The following ZNF792 variants were observed in gnomAD, a reference collection of about 807,000 sequenced individuals.
ZNF792 encodes zinc finger protein 792.
Under a neutral mutation model 13.1 loss-of-function variants are expected in ZNF792, and 14 were observed. The ratio of observed to expected loss-of-function variants is 1.07; its 90% CI spans 0.71 to 1.67. ZNF792 has a LOEUF of 1.67. ZNF792 is among the 40% of genes most tolerant of loss of function. The probability of loss-of-function intolerance (pLI) is 0.00; values close to 1 mark genes in which losing one functional copy is unlikely to be tolerated. For synonymous variants in ZNF792, 257 were observed against 292.0 expected (o/e 0.88, Z 1.22); for missense variants, 740 against 807.9 (o/e 0.92, Z 1.02).
Position 34,958,763 on chromosome 19 carries a change from C to G in ZNF792, c.1092G>C (p.Lys364Asn). 1 of 1,613,966 alleles carries G rather than the reference C, an allele frequency of 6.2e-7. No individual in the cohort carries two copies. The highest frequency in any genetic ancestry group is 8.5e-7 in the Non-Finnish European group (1 of 1,179,972). ...TCCCACAGTCGCTGCACTCATATGG[C>G]TTTTCACCAGTGTGAACCCTCTTAT... ...IQHKRVHTGE[K>N]PYECSDCGKF... Residue 364 changes from lysine (K) to asparagine (N), a missense_variant, in exon 4 of 4, where the codon AAG becomes AAC. Lys to Asn is a moderately conservative substitution (Grantham distance 94). Coordinates refer to ENST00000404801, the MANE Select transcript of ZNF792 (RefSeq NM_175872.5).
chr19:34,957,829 T>G lies in ZNF792; in HGVS notation c.*127A>C. The G allele has an allele frequency of 1.1e-6, 1 of 911,792 alleles. No homozygotes were observed. The highest frequency in any genetic ancestry group is 1.6e-6 in the Non-Finnish European group (1 of 611,798). The allele number at this position is 911,792 out of a possible 1,614,324, so 56.5% of individuals were successfully genotyped here. A position where few individuals can be genotyped will look rare whatever the true frequency, so the allele number is the denominator to read the frequency against. ...ACAGTGGAGTGGTGGACACACTCTT[T>G]GGAGAGCTGCAGTGTGTGGTGCTGA... On this transcript the variant is annotated 3_prime_UTR_variant, in exon 4 of 4. Transcript: ENST00000404801.
In ZNF792 at chr19:34,958,697, C is replaced by G; in HGVS notation, c.1158G>C (p.Arg386Ser). ...SQRSNLIHHK[R>S]VHTGRSAHEC... Reference sequence around the variant, plus strand: ...CATGGGCACTTCTGCCCGTATGAACCCTCTTATGATGAATGAGGTTGGAAC... The same window carrying G: ...CATGGGCACTTCTGCCCGTATGAACGCTCTTATGATGAATGAGGTTGGAAC... Residue 386 changes from arginine to serine, a missense_variant, in exon 4 of 4, where the codon AGG becomes AGC. Physicochemically the swap from Arg to Ser is moderately radical, Grantham distance 110. Transcript: ENST00000404801. The G allele has an allele frequency of 6.2e-7, 1 of 1,613,894 alleles. No homozygotes were observed. Among genetic ancestry groups the G allele is most frequent in the Non-Finnish European group, 8.5e-7 (1 of 1,179,932 alleles).
Position 34,959,220 on chromosome 19 carries a change from C to T in ZNF792, c.635G>A (p.Cys212Tyr), listed in dbSNP as rs748124403. The T allele has an allele frequency of 5.0e-6, 8 of 1,613,936 alleles. No homozygotes were observed. The Admixed American group carries it at 1.3e-4, about 27-fold the overall frequency. The change falls in exon 4 of 4, where the codon TGC becomes TAC. Residue 212 changes from cysteine (C) to tyrosine (Y), a missense_variant. Cys to Tyr is a radical substitution (Grantham distance 194). Transcript: ENST00000404801. Reference protein sequence around the residue: ...RDHTSDQLSTCREGGKDFVAT... With the variant: ...RDHTSDQLSTYREGGKDFVAT... ...CACAAAGTCCTTCCCACCCTCCCTG[C>T]AGGTGGAAAGCTGATCTGATGTGTG...
Position 34,960,363 on chromosome 19 carries a change from G to T in ZNF792, c.161-6C>A. On this transcript the variant is annotated splice_region_variant and splice_polypyrimidine_tract_variant and intron_variant, in intron 2 of 3. Transcript: ENST00000404801. ...GGACCTGAAAGATATAAGTCCTAAG[G>T]GAAAGACAGAGTGGGTCAGTGGCCA... 1.2e-6 allele frequency: 2 copies of T among 1,612,140 alleles called. No individual in the cohort carries two copies. Among genetic ancestry groups the T allele is most frequent in the Non-Finnish European group, 1.7e-6 (2 of 1,179,316 alleles).
In ZNF792 at chr19:34,964,006, C is replaced by T. The variant is rs1381088433; in HGVS notation, c.-344G>A. On this transcript the variant is annotated 5_prime_UTR_variant, in exon 1 of 4. Coordinates refer to ENST00000404801, the MANE Select transcript of ZNF792 (RefSeq NM_175872.5). ...CACGGGCGTAGCCCCAGCCGCCCCG[C>T]CCCCAACTCGGGGTCCCCAGCTCCT... The T allele has an allele frequency of 3.4e-6, 1 of 292,318 alleles. No individual in the cohort carries two copies. Among genetic ancestry groups the T allele is most frequent in the Non-Finnish European group, 6.3e-6 (1 of 158,126 alleles). 18.1% of individuals were successfully genotyped at this position (292,318 alleles called of 1,614,324 possible). A position where few individuals can be genotyped will look rare whatever the true frequency, so the allele number is the denominator to read the frequency against.
chr19:34,958,638 T>C lies in ZNF792; in HGVS notation c.1217A>G (p.Asn406Ser), dbSNP rs770399570. 1 of 1,613,428 alleles carries C rather than the reference T, an allele frequency of 6.2e-7. No homozygotes were observed. Among genetic ancestry groups the C allele is most frequent in the Non-Finnish European group, 8.5e-7 (1 of 1,179,646 alleles). ...CSECGKSFNC[N>S]SSLIKHWRVH... ...TCTCCAATGTTTAATTAGGCTGGAGTTGCAGTTGAAAGATTTCCCACATTC... is the reference window on the plus strand; with the variant it reads ...TCTCCAATGTTTAATTAGGCTGGAGCTGCAGTTGAAAGATTTCCCACATTC... Residue 406 changes from asparagine to serine, a missense_variant, in exon 4 of 4, where the codon AAC becomes AGC. Asn to Ser is a conservative substitution (Grantham distance 46). Coordinates refer to ENST00000404801, the MANE Select transcript of ZNF792 (RefSeq NM_175872.5).
At chr19:34,961,119 C>A in intron 1 of ZNF792, 125 bp from the exon 2 acceptor site, 2 of 1,383,144 alleles carry the variant, frequency 1.4e-6, no homozygotes, top group South Asian at 2.7e-5. Context: ...GTTCTGTGGG[C>A]GCCTCATGTG....
At position 34,957,342 on chromosome 19, in the gene ZNF792, A is replaced by G. The variant is rs2013446891; in HGVS notation, c.*614T>C. ...CTAGGAGGCCTTGGTGGCAATGCAA[A>G]TGAGGTCAAATCTGGATTGACAGTT... On this transcript the variant is annotated 3_prime_UTR_variant, in exon 4 of 4. Transcript: ENST00000404801. 6.6e-6 allele frequency: 1 copy of G among 152,202 alleles called. No homozygotes were observed. Among genetic ancestry groups the G allele is most frequent in the Non-Finnish European group, 1.5e-5 (1 of 68,050 alleles). The allele number at this position is 152,202 out of a possible 1,614,324, so 9.4% of individuals were successfully genotyped here. A position where few individuals can be genotyped will look rare whatever the true frequency, so the allele number is the denominator to read the frequency against.
chr19:34,960,309 T>C lies in ZNF792; in HGVS notation c.209A>G (p.Lys70Arg), dbSNP rs894383742. The C allele has an allele frequency of 3.1e-6, 5 of 1,613,616 alleles. No homozygotes were observed. In the South Asian group the frequency reaches 5.5e-5, roughly 18 times the overall value. ...SHIVSQLEMG[K>R]EPWVPDSVDM... ...CACACTGTCAGGCACCCAGGGCTCT[T>C]TCCCCATCTCCAACTGGGAAACGAT... The change falls in exon 3 of 4, where the codon AAA becomes AGA. Residue 70 changes from lysine (K) to arginine (R), a missense_variant. Transcript: ENST00000404801.
chr19:34,963,592 G>A (rs766407766), intron 1 of ZNF792, 38 bp downstream of exon 1: 2 of 1,592,420 alleles, frequency 1.3e-6, no homozygotes, highest in Non-Finnish European at 1.7e-6. Context: ...AGAAGCGTGG[G>A]GGGCCGACAG....
Position 34,959,470 on chromosome 19 carries a change from G to C in ZNF792, c.385C>G (p.Gln129Glu), listed in dbSNP as rs746999037. Residue 129 changes from glutamine (Q) to glutamate (E), a missense_variant, in exon 4 of 4, where the codon CAG (glutamine) becomes GAG (glutamate). Gln to Glu is a conservative substitution (Grantham distance 29). Coordinates refer to ENST00000404801, the MANE Select transcript of ZNF792 (RefSeq NM_175872.5). Reference sequence around the variant, plus strand: ...CATATGTCACAGGGGCAGGTCTTCTGGGGGCACAGAGTTGCCTCGGGACTC... The same window carrying C: ...CATATGTCACAGGGGCAGGTCTTCTCGGGGCACAGAGTTGCCTCGGGACTC... ...DRSPEATLCP[Q>E]KTCPCDICGL... The C allele has an allele frequency of 2.5e-6, 4 of 1,613,424 alleles. No homozygotes were observed. In the South Asian group the frequency reaches 3.3e-5, roughly 13 times the overall value.
At position 34,958,759 on chromosome 19, in the gene ZNF792, A is replaced by G. The variant is rs767262653; in HGVS notation, c.1096T>C (p.Tyr366His). The G allele has an allele frequency of 1.2e-6, 2 of 1,613,964 alleles. No individual in the cohort carries two copies. The highest frequency in any genetic ancestry group is 1.7e-5 in the Admixed American group (1 of 60,008). The change falls in exon 4 of 4, where the codon TAT becomes CAT. Residue 366 changes from tyrosine (Y) to histidine (H), a missense_variant. Coordinates refer to ENST00000404801, the MANE Select transcript of ZNF792 (RefSeq NM_175872.5). Reference protein sequence around the residue: ...HKRVHTGEKPYECSDCGKFFS... With the variant: ...HKRVHTGEKPHECSDCGKFFS... ...AACTTCCCACAGTCGCTGCACTCAT[A>G]TGGCTTTTCACCAGTGTGAACCCTC...
At chr19:34,960,024 C>T (rs1201588475) in intron 3 of ZNF792, among the ~76,000 whole-genome samples, 6 of 152,166 alleles carry the variant, frequency 3.9e-5, no homozygotes, top group Admixed American at 3.3e-4. Context: ...AAGAGAGAAA[C>T]GGAGGCCAGA....
At chr19:34,961,500 A>G (rs2013527311) in intron 1 of ZNF792, among the ~76,000 whole-genome samples, 1 of 152,040 alleles carries the variant, frequency 6.6e-6, no homozygotes, top group Non-Finnish European at 1.5e-5. Flanking sequence ...CCTGGCAAAC[A>G]TAAGCACCAT....
At chr19:34,960,687 C>T in intron 2 of ZNF792, 181 bp downstream of exon 2, 1 of 953,420 alleles carries the variant, frequency 1.0e-6, no homozygotes, top group Non-Finnish European at 1.6e-6. Flanking sequence ...GTGGGGGCAG[C>T]TCAGGGAGAG....
chr19:34,959,682 A>C lies in ZNF792; in HGVS notation c.284-111T>G, dbSNP rs2013496884. 8 of 1,203,042 alleles carry C rather than the reference A, an allele frequency of 6.6e-6. No homozygotes were observed. In the South Asian group the frequency reaches 1.4e-4, roughly 21 times the overall value. The allele number at this position is 1,203,042 out of a possible 1,614,324, so 74.5% of individuals were successfully genotyped here. On this transcript the variant is annotated intron_variant, in intron 3 of 3. Transcript: ENST00000404801. The stretch of plus-strand genomic sequence containing the variant: ...ATAAGCCCATGGGATTGTTGGCAAC[A>C]CAAGAAGGCTCAGGTCAGGGTAAGG...
At position 34,956,754 on chromosome 19, in the gene ZNF792, A is replaced by G. The variant is rs992851713; in HGVS notation, c.*1202T>C. The G allele has an allele frequency of 2.0e-5, 3 of 152,212 alleles. No homozygotes were observed. Among genetic ancestry groups the G allele is most frequent in the Admixed American group, 2.0e-4 (3 of 15,278 alleles). 9.4% of individuals were successfully genotyped at this position (152,212 alleles called of 1,614,324 possible). On this transcript the variant is annotated 3_prime_UTR_variant, in exon 4 of 4. Coordinates refer to ENST00000404801, the MANE Select transcript of ZNF792 (RefSeq NM_175872.5). ...CTACGTCATAGATACTACAGTCCCT[A>G]TAGTATAGGATCTGCTTTTTCTCAG...
chr19:34,959,160 G>A lies in ZNF792; in HGVS notation c.695C>T (p.Pro232Leu). The change falls in exon 4 of 4, where the codon CCC (proline) becomes CTC (leucine). Residue 232 changes from proline to leucine, a missense_variant. Transcript: ENST00000404801. Reference sequence around the variant, plus strand: ...GGCCTCGTGCGGCTCCCCATCGCTGGGAGTGACCTCACACTGCAGAAACCC... The same window carrying A: ...GGCCTCGTGCGGCTCCCCATCGCTGAGAGTGACCTCACACTGCAGAAACCC... ...TAGFLQCEVT[P>L]SDGEPHEATE... The A allele has an allele frequency of 6.2e-7, 1 of 1,613,892 alleles. No homozygotes were observed. Among genetic ancestry groups the A allele is most frequent in the Non-Finnish European group, 8.5e-7 (1 of 1,179,814 alleles).
In ZNF792 at chr19:34,956,887, C is replaced by G. The variant is rs192523460; in HGVS notation, c.*1069G>C. 1 of 152,404 alleles carries G rather than the reference C, an allele frequency of 6.6e-6. No individual in the cohort carries two copies. Among genetic ancestry groups the G allele is most frequent in the Admixed American group, 6.5e-5 (1 of 15,316 alleles). 9.4% of individuals were successfully genotyped at this position (152,404 alleles called of 1,614,324 possible). A position where few individuals can be genotyped will look rare whatever the true frequency, so the allele number is the denominator to read the frequency against. The stretch of plus-strand genomic sequence containing the variant: ...TATTTGCTCTGCCAGTAACATTAGT[C>G]ATAGGACAGAGGTCTGAGGTCCTGA... On this transcript the variant is annotated 3_prime_UTR_variant, in exon 4 of 4. Transcript: ENST00000404801.
Sources: gnomAD v4.1 joint callset for allele counts (sites outside exome capture counted in the v4.1 genomes callset) on GRCh38, gnomAD v4.1.1 for gene constraint, MANE v1.5 for transcripts, NCBI Gene and HGNC (gene_info 2026-07-23, HGNC 2026-07-21) for gene names.